Variants in ADAMTS20 observed in about 807,000 individuals in gnomAD.
ADAMTS20 encodes the protein A disintegrin and metalloproteinase with thrombospondin motifs 20.
A neutral mutation model predicts 260.1 loss-of-function variants in ADAMTS20; 225 were observed. The observed-to-expected ratio is 0.87, with a 90% confidence interval of 0.78 to 0.97. The LOEUF (loss-of-function observed/expected upper bound fraction) is 0.97, where lower values mean the gene tolerates loss of function less well. ADAMTS20 is among the 50% of genes least tolerant of loss of function. The probability of loss-of-function intolerance (pLI) is 0.00; values close to 1 mark genes in which losing one functional copy is unlikely to be tolerated. For synonymous variants in ADAMTS20, 802 were observed against 769.5 expected, an observed-to-expected ratio of 1.04 and a Z score of -0.70; for missense variants, 2,400 against 2,337.7, an observed-to-expected ratio of 1.03 and a Z score of -0.55.
intron 3 of ADAMTS20, among the ~76,000 whole-genome samples, chr12:43,527,640 C>T (rs942300978): frequency 6.6e-6 from 1 of 152,084 alleles, no homozygotes; most frequent in Admixed American, 6.5e-5. Context: ...TCCAGCATCT[C>T]TTTATGCTAA....
Position 43,464,577 on chromosome 12 carries a change from T to G in ADAMTS20, c.1509+14A>C. Reference sequence around the variant, plus strand: ...GCAGTTTTCGAACAAAATAAAGGAATTTTCTTTTCTTACTATATGGGGACA... The same window carrying G: ...GCAGTTTTCGAACAAAATAAAGGAAGTTTCTTTTCTTACTATATGGGGACA... On this transcript the variant is annotated intron_variant, in intron 10 of 38. Coordinates refer to ENST00000389420, the MANE Select transcript of ADAMTS20 (RefSeq NM_025003.5). The G allele has an allele frequency of 6.2e-7, 1 of 1,604,398 alleles. No homozygotes were observed. The highest frequency in any genetic ancestry group is 8.5e-7 in the Non-Finnish European group (1 of 1,177,148).
chr12:43,448,192 A>G (rs1941797912), intron 14 of ADAMTS20, among the ~76,000 whole-genome samples: 1 of 152,148 alleles, frequency 6.6e-6, no homozygotes, highest in African/African-American at 2.4e-5. Context: ...AAGAAATCCT[A>G]ACCAAAAAGA....
intron 2 of ADAMTS20, 57 bp downstream of exon 2, chr12:43,550,852 T>G: frequency 6.8e-7 from 1 of 1,466,184 alleles, no homozygotes; most frequent in South Asian, 1.5e-5. Flanking sequence ...CCCCGTTCGC[T>G]GAATGTAGCC....
chr12:43,506,305 AGTATACT>A (rs574543193), intron 3 of ADAMTS20, among the ~76,000 whole-genome samples: 201 of 152,104 alleles, frequency 1.3e-3, no homozygotes, highest in African/African-American at 4.6e-3. Context: ...TGAAACAAAA[AGTATACT>A]GGTGGTTACC....
At position 43,375,362 on chromosome 12, in the gene ADAMTS20, A is replaced by G. The variant is rs756764856; in HGVS notation, c.5446+17T>C. The G allele has an allele frequency of 1.9e-6, 3 of 1,606,058 alleles. No homozygotes were observed. Among genetic ancestry groups the G allele is most frequent in the South Asian group, 1.1e-5 (1 of 89,848 alleles). On this transcript the variant is annotated intron_variant, in intron 36 of 38. Transcript: ENST00000389420. Reference sequence around the variant, plus strand: ...AATGGAGGCTTTTTGATTTTAAAATATAGATTGAGCACTTACTTTTAATTT... The same window carrying G: ...AATGGAGGCTTTTTGATTTTAAAATGTAGATTGAGCACTTACTTTTAATTT...
At chr12:43,527,777 C>A (rs557215739) in intron 3 of ADAMTS20, among the ~76,000 whole-genome samples, 2 of 152,186 alleles carry the variant, frequency 1.3e-5, no homozygotes, top group South Asian at 2.1e-4. Context: ...AGAACTGGAA[C>A]AAGGCAAGGA....
Position 43,551,614 on chromosome 12 carries a change from C to A in ADAMTS20, c.91+217G>T, listed in dbSNP as rs1258946831. ...GACCCCCTGCCCCTTGCGCCCCCGC[C>A]GTGTGGTCCTGGGAGTGCGATGCGT... is the stretch of plus-strand genomic sequence containing the variant. On this transcript the variant is annotated intron_variant, in intron 1 of 38. Coordinates refer to ENST00000389420, the MANE Select transcript of ADAMTS20 (RefSeq NM_025003.5). This position sits in a 1 kb window ranked among gnomAD's most constrained non-coding sequence, Gnocchi z 4.6. Among the ~76,000 whole-genome samples, 5 of 152,182 alleles carry A rather than the reference C, an allele frequency of 3.3e-5. No homozygotes were observed. Among genetic ancestry groups the A allele is most frequent in the African/African-American group, 1.2e-4 (5 of 41,458 alleles).
chr12:43,532,644 G>A (rs1260533167), intron 2 of ADAMTS20, among the ~76,000 whole-genome samples: 8 of 109,622 alleles, frequency 7.3e-5, no homozygotes, highest in Non-Finnish European at 1.1e-4. Flanking sequence ...ATGCTGGTGC[G>A]CTGCACCCAC....
chr12:43,395,893 T>C (rs1372908092), intron 29 of ADAMTS20, among the ~76,000 whole-genome samples: 2 of 151,914 alleles, frequency 1.3e-5, no homozygotes, highest in African/African-American at 4.8e-5. Flanking sequence ...TTCCTAGAGA[T>C]TGTGCATTTG....
At chr12:43,388,670 T>G (rs1428073149) in intron 29 of ADAMTS20, among the ~76,000 whole-genome samples, 1 of 152,226 alleles carries the variant, frequency 6.6e-6, no homozygotes, top group Non-Finnish European at 1.5e-5. Flanking sequence ...AAAGCGGTAC[T>G]ATGGCTGAGG....
intron 28 of ADAMTS20, among the ~76,000 whole-genome samples, chr12:43,419,405 G>T (rs1252125543): frequency 6.6e-6 from 1 of 151,944 alleles, no homozygotes; most frequent in African/African-American, 2.4e-5. Context: ...TCAAACTATT[G>T]GAAGGTAACA....
chr12:43,537,956 T>G (rs1243451894), intron 2 of ADAMTS20, among the ~76,000 whole-genome samples: 1 of 152,258 alleles, frequency 6.6e-6, no homozygotes, highest in African/African-American at 2.4e-5. Context: ...TTGGCTATTG[T>G]GAACACTGCT....
chr12:43,516,267 T>C (rs923989), intron 3 of ADAMTS20, among the ~76,000 whole-genome samples: 53,527 of 152,070 alleles, frequency 0.35, 10,013 homozygotes, highest in East Asian at 0.75. Flanking sequence ...CTTGCATTTG[T>C]ACTCTGTGAA....
rs766833981 is a variant in ADAMTS20, at chr12:43,443,893, A to G, written c.2198-10T>C. 2 of 1,608,620 alleles carry G rather than the reference A, an allele frequency of 1.2e-6. No individual in the cohort carries two copies. Among genetic ancestry groups the G allele is most frequent in the South Asian group, 2.2e-5 (2 of 90,838 alleles). Reference sequence around the variant, plus strand: ...ACAACAACATTATAACCTGCAATATAATTTTACATATGTTAAATTTCACAA... The same window carrying G: ...ACAACAACATTATAACCTGCAATATGATTTTACATATGTTAAATTTCACAA... On this transcript the variant is annotated splice_polypyrimidine_tract_variant and intron_variant, in intron 15 of 38. Transcript: ENST00000389420.
At chr12:43,452,222 AC>A (rs1370184129) in intron 14 of ADAMTS20, 51 bp downstream of exon 14, 139 of 1,527,126 alleles carry the variant, frequency 9.1e-5, no homozygotes, top group Middle Eastern at 1.8e-4. Flanking sequence ...TCGAAAAAAA[AC>A]ATTATTCTTA....
chr12:43,427,509 T>C (rs747629065), intron 26 of ADAMTS20, 40 bp from the exon 27 acceptor site: 1 of 1,544,238 alleles, frequency 6.5e-7, no homozygotes, highest in African/African-American at 1.4e-5. Context: ...AAACTGCGGA[T>C]TCCACATAAT....
At chr12:43,511,864 A>T (rs1165683496) in intron 3 of ADAMTS20, among the ~76,000 whole-genome samples, 3 of 152,144 alleles carry the variant, frequency 2.0e-5, no homozygotes, top group Non-Finnish European at 4.4e-5. Flanking sequence ...TTCTAGACTT[A>T]ACATCTCAAA....
chr12:43,476,858 G>T (rs1249996339), intron 7 of ADAMTS20, among the ~76,000 whole-genome samples: 1 of 150,912 alleles, frequency 6.6e-6, no homozygotes, highest in Non-Finnish European at 1.5e-5. Flanking sequence ...GGTGGGTGGA[G>T]GGGGGAGGGA....
chr12:43,360,469 A>T (rs1939843522), intron 37 of ADAMTS20, among the ~76,000 whole-genome samples: 1 of 152,082 alleles, frequency 6.6e-6, no homozygotes, highest in Non-Finnish European at 1.5e-5. Flanking sequence ...ATAAAAATAA[A>T]TTTTAAAATA....
Sources: gnomAD v4.1 joint callset for allele counts (sites outside exome capture counted in the v4.1 genomes callset) on GRCh38, gnomAD v4.1.1 for gene constraint, Gnocchi (gnomAD v3.1) non-coding constraint, MANE v1.5 for transcripts, NCBI Gene and HGNC (gene_info 2026-07-23, HGNC 2026-07-21) for gene names.